The following KLHL32 variants were observed in gnomAD, a reference collection of about 807,000 sequenced individuals.
KLHL32 encodes the protein kelch-like protein 32.
In KLHL32, 35 loss-of-function variants were observed where a neutral mutation model predicts 64.8. That is an observed-to-expected ratio of 0.54 (90% CI 0.41 to 0.72). The LOEUF (loss-of-function observed/expected upper bound fraction) is 0.72, where lower values mean the gene tolerates loss of function less well. KLHL32 is among the 30% of genes least tolerant of loss of function. The pLI is 0.00. For synonymous variants in KLHL32, 259 were observed against 281.0 expected, an observed-to-expected ratio of 0.92 and a Z score of 0.78; for missense variants, 589 against 768.5, an observed-to-expected ratio of 0.77 and a Z score of 2.76.
At chr6:96,942,387 T>C (rs1408963587) in intron 1 of KLHL32, among the ~76,000 whole-genome samples, 1 of 152,194 alleles carries the variant, frequency 6.6e-6, no homozygotes, top group Non-Finnish European at 1.5e-5. Flanking sequence ...TCAATACCCA[T>C]TTCCTCCATG....
chr6:97,071,233 G>A (rs1295893492), intron 5 of KLHL32, among the ~76,000 whole-genome samples: 2 of 152,020 alleles, frequency 1.3e-5, no homozygotes, highest in Admixed American at 6.6e-5. Flanking sequence ...CTCCTCAAAA[G>A]TTCTTCCAAC....
chr6:96,936,585 C>A (rs995103774), intron 1 of KLHL32, among the ~76,000 whole-genome samples: 1 of 152,188 alleles, frequency 6.6e-6, no homozygotes, highest in Non-Finnish European at 1.5e-5. Context: ...GTCACAACTT[C>A]CCACTACCAT....
intron 3 of KLHL32, among the ~76,000 whole-genome samples, chr6:97,028,886 T>A (rs1405919083): frequency 1.3e-5 from 2 of 152,256 alleles, no homozygotes; most frequent in African/African-American, 4.8e-5. Flanking sequence ...TGGGTAGGAA[T>A]GTATTGTGAT....
intron 6 of KLHL32, among the ~76,000 whole-genome samples, chr6:97,094,817 C>T (rs1459292480): frequency 1.3e-5 from 2 of 152,068 alleles, no homozygotes; most frequent in African/African-American, 2.4e-5. Flanking sequence ...TAAAAAGACC[C>T]CCACACACCA....
At chr6:97,034,587 A>G (rs1036350334) in intron 3 of KLHL32, among the ~76,000 whole-genome samples, 2 of 152,020 alleles carry the variant, frequency 1.3e-5, no homozygotes, top group East Asian at 3.8e-4. Context: ...TTGAATGTAT[A>G]GATCATTTTG....
rs140712131 is a variant in KLHL32 at position 96,958,340 on chromosome 6, C to A, written c.-65-8656C>A. On this transcript the variant is annotated intron_variant, in intron 1 of 10. Transcript: ENST00000369261. The stretch of plus-strand genomic sequence containing the variant: ...CATATAGGAGAGTAATTAACTGTGA[C>A]CTGGGAGGATCAGGGAGGGCTTCCC... Among the ~76,000 whole-genome samples the A allele has an allele frequency of 6.5e-3, 989 of 152,074 alleles. 12 individuals carry two copies. The highest frequency in any genetic ancestry group is 0.023 in the African/African-American group (946 of 41,474).
intron 8 of KLHL32, among the ~76,000 whole-genome samples, chr6:97,127,886 G>C (rs1300429399): frequency 6.6e-6 from 1 of 152,196 alleles, no homozygotes; most frequent in Non-Finnish European, 1.5e-5. Context: ...TGAGAGATGA[G>C]AAGTATCTGA....
At chr6:96,947,504 T>C (rs1347474148) in intron 1 of KLHL32, among the ~76,000 whole-genome samples, 3 of 152,196 alleles carry the variant, frequency 2.0e-5, no homozygotes, top group African/African-American at 7.2e-5. Context: ...AAAAGGACAC[T>C]GTGTGATTAA....
chr6:97,017,487 A>G (rs1386259966), intron 3 of KLHL32, among the ~76,000 whole-genome samples: 1 of 152,360 alleles, frequency 6.6e-6, no homozygotes, highest in Non-Finnish European at 1.5e-5. Flanking sequence ...TGCCAAATAC[A>G]GAACAAAGGT....
chr6:97,020,345 CT>C (rs1781821210), intron 3 of KLHL32, among the ~76,000 whole-genome samples: 2 of 150,978 alleles, frequency 1.3e-5, no homozygotes, highest in Middle Eastern at 3.4e-3. Context: ...AAGGTGTTAT[CT>C]AGAGATGAAA....
intron 9 of KLHL32, among the ~76,000 whole-genome samples, chr6:97,131,969 T>C (rs1226471289): frequency 6.6e-6 from 1 of 152,128 alleles, no homozygotes; most frequent in African/African-American, 2.4e-5. Context: ...AAAAAGAGAC[T>C]CTTTCACTCT....
In KLHL32 at chr6:97,069,028, AG is replaced by A. The variant is rs1333278793; in HGVS notation, c.411+4310del. On this transcript the variant is annotated intron_variant, in intron 5 of 10. Transcript: ENST00000369261. ...TTTATCATTGTAAGGGAAACAGAGA[AG>A]GGGGGGGTCTGTTGCATTTGTTTTG... is the stretch of plus-strand genomic sequence containing the variant. Among the ~76,000 whole-genome samples the A allele has an allele frequency of 1.9e-3, 290 of 151,942 alleles. 2 individuals are homozygous for A. The highest frequency in any genetic ancestry group is 6.5e-3 in the African/African-American group (268 of 41,418).
At chr6:96,908,967 C>T in the KLHL32 span, among the ~76,000 whole-genome samples, 30 of 152,202 alleles carry the variant, frequency 2.0e-4, 1 homozygote, top group Admixed American at 1.4e-3. Context: ...ATGAACACTG[C>T]AGCAAAAAAG....
At chr6:96,916,539 A>G in the KLHL32 span, among the ~76,000 whole-genome samples, 728 of 152,274 alleles carry the variant, frequency 4.8e-3, 5 homozygotes, top group Non-Finnish European at 6.8e-3. Flanking sequence ...TTGCCTTGTC[A>G]CTTTCCCGTA....
chr6:96,911,109 G>A, the KLHL32 span, among the ~76,000 whole-genome samples: 7,965 of 152,164 alleles, frequency 0.052, 665 homozygotes, highest in African/African-American at 0.17. Context: ...ACCACAAACT[G>A]GGGGGTTTAA....
intron 1 of KLHL32, among the ~76,000 whole-genome samples, chr6:96,931,605 A>C (rs1769900798): frequency 6.6e-6 from 1 of 152,238 alleles, no homozygotes; most frequent in South Asian, 2.1e-4. Context: ...GATATAGTGC[A>C]ATTTCATAAT....
In KLHL32 at chr6:97,096,933, G is replaced by A. The variant is rs189182758; in HGVS notation, c.627+11592G>A. Among the ~76,000 whole-genome samples, 343 of 152,330 alleles carry A rather than the reference G, an allele frequency of 2.3e-3. 4 individuals carry two copies. Among genetic ancestry groups the A allele is most frequent in the Non-Finnish European group, 3.8e-4 (26 of 68,030 alleles). The stretch of plus-strand genomic sequence containing the variant: ...AATAAATGGGTCTGCTAATGAAACA[G>A]CACTGAGAGGTTAGGTCATTGGAAG... On this transcript the variant is annotated intron_variant, in intron 6 of 10. Transcript: ENST00000369261.
At chr6:97,056,253 C>G (rs537592192) in intron 4 of KLHL32, among the ~76,000 whole-genome samples, 1 of 151,682 alleles carries the variant, frequency 6.6e-6, no homozygotes, top group Non-Finnish European at 1.5e-5. Flanking sequence ...CTACAGGCGC[C>G]CGCCACCACG....
At chr6:96,935,627 G>A (rs890111823) in intron 1 of KLHL32, among the ~76,000 whole-genome samples, 6 of 152,160 alleles carry the variant, frequency 3.9e-5, no homozygotes, top group African/African-American at 1.4e-4. Context: ...GGCCATCTGT[G>A]CCAAATTATA....
Sources: gnomAD v4.1 joint callset for allele counts (sites outside exome capture counted in the v4.1 genomes callset) on GRCh38, gnomAD v4.1.1 for gene constraint, MANE v1.5 for transcripts, NCBI Gene and HGNC (gene_info 2026-07-23, HGNC 2026-07-21) for gene names.